PPP3CC: variants seen among roughly 807,000 people sequenced by gnomAD.
PPP3CC encodes the protein serine/threonine-protein phosphatase 2B catalytic subunit gamma isoform.
A neutral mutation model predicts 60.3 loss-of-function variants in PPP3CC; 35 were observed. That is an observed-to-expected ratio of 0.58 (90% CI 0.44 to 0.77). PPP3CC has a LOEUF of 0.77. Ranked by LOEUF, PPP3CC falls within the 30% of genes least tolerant of loss-of-function variation. PPP3CC has a pLI of 0.00. For synonymous variants in PPP3CC, 206 were observed against 224.3 expected, an observed-to-expected ratio of 0.92 and a Z score of 0.73; for missense variants, 570 against 628.9, an observed-to-expected ratio of 0.91 and a Z score of 1.00.
intron 3 of PPP3CC, 156 bp downstream of exon 3, chr8:22,475,780 G>A: frequency 1.4e-6 from 1 of 728,778 alleles, no homozygotes; most frequent in Non-Finnish European, 2.1e-6. Flanking sequence ...TTAATTGATA[G>A]AACAGTTATT....
Position 22,540,938 on chromosome 8 carries a change from G to T in PPP3CC, c.*136G>T. ...TTATAATTCAGTCTGCATTTATTCTGTAAAAAGGTGGCTGTTTTATAAATT... is the reference window on the plus strand; with the variant it reads ...TTATAATTCAGTCTGCATTTATTCTTTAAAAAGGTGGCTGTTTTATAAATT... On this transcript the variant is annotated 3_prime_UTR_variant, in exon 14 of 14. Coordinates refer to ENST00000240139, the MANE Select transcript of PPP3CC (RefSeq NM_005605.5). 1.3e-6 allele frequency: 1 copy of T among 754,042 alleles called. No individual in the cohort carries two copies. Among genetic ancestry groups the T allele is most frequent in the Non-Finnish European group, 1.9e-6 (1 of 524,036 alleles). 46.7% of individuals were successfully genotyped at this position (754,042 alleles called of 1,614,324 possible).
intron 1 of PPP3CC, among the ~76,000 whole-genome samples, chr8:22,473,419 G>A (rs918356385): frequency 6.6e-6 from 1 of 150,978 alleles, no homozygotes; most frequent in Non-Finnish European, 1.5e-5. Context: ...ACTGAAGGTA[G>A]TTATTAGCAT....
intron 1 of PPP3CC, among the ~76,000 whole-genome samples, chr8:22,456,584 C>G (rs919231062): frequency 2.0e-5 from 3 of 152,100 alleles, no homozygotes; most frequent in African/African-American, 7.2e-5. Context: ...TGGTACAGTC[C>G]ATAGAGCTTG....
At chr8:22,531,429 C>G (rs760913156) in intron 10 of PPP3CC, 2 of 1,190,952 alleles carry the variant, frequency 1.7e-6, no homozygotes, top group Non-Finnish European at 2.4e-6. Flanking sequence ...TTCAGAAAGG[C>G]TCTCCATCCG....
chr8:22,464,870 C>T (rs367805559), intron 1 of PPP3CC, among the ~76,000 whole-genome samples: 49 of 152,096 alleles, frequency 3.2e-4, no homozygotes, highest in African/African-American at 1.2e-3. Context: ...ATGAGTATGC[C>T]AAGAGACCGA....
At chr8:22,468,640 T>G (rs891236861) in intron 1 of PPP3CC, among the ~76,000 whole-genome samples, 1 of 152,176 alleles carries the variant, frequency 6.6e-6, no homozygotes, top group African/African-American at 2.4e-5. Context: ...TTTGTAATGT[T>G]TTGCTTGTAA....
At chr8:22,533,793 C>G (rs979123109) in intron 12 of PPP3CC, among the ~76,000 whole-genome samples, 2 of 152,140 alleles carry the variant, frequency 1.3e-5, no homozygotes, top group African/African-American at 2.4e-5. Flanking sequence ...CCACTGCACT[C>G]CAGCCTGGGC....
chr8:22,443,838 C>T (rs181255671), intron 1 of PPP3CC, among the ~76,000 whole-genome samples: 13 of 152,210 alleles, frequency 8.5e-5, no homozygotes, highest in South Asian at 8.3e-4. Flanking sequence ...TGAGGTGTCA[C>T]GTGTGCATAG....
chr8:22,527,587 C>G, intron 9 of PPP3CC, 70 bp downstream of exon 9: 1 of 1,509,314 alleles, frequency 6.6e-7, no homozygotes. Flanking sequence ...TGCATGAGCC[C>G]CTCCATGATT....
chr8:22,496,086 TTA>T (rs746612113), intron 3 of PPP3CC, among the ~76,000 whole-genome samples: 22 of 152,234 alleles, frequency 1.4e-4, no homozygotes, highest in Non-Finnish European at 2.5e-4. Flanking sequence ...GGATCTAACT[TTA>T]TGTTTTTTTT....
At chr8:22,519,093 T>C (rs992419197) in intron 6 of PPP3CC, among the ~76,000 whole-genome samples, 5 of 152,238 alleles carry the variant, frequency 3.3e-5, no homozygotes, top group Non-Finnish European at 1.5e-5. Flanking sequence ...AATTGTTACA[T>C]CTTTCTGTTG....
At chr8:22,476,966 C>T (rs999991190) in intron 3 of PPP3CC, among the ~76,000 whole-genome samples, 1 of 151,624 alleles carries the variant, frequency 6.6e-6, no homozygotes, top group African/African-American at 2.4e-5. Context: ...TGTTAGTTGC[C>T]AGTGCACAAA....
intron 10 of PPP3CC, among the ~76,000 whole-genome samples, chr8:22,530,508 AAAATAAAT>A (rs754526584): frequency 2.9e-3 from 351 of 122,350 alleles, no homozygotes; most frequent in Non-Finnish European, 4.7e-3. Context: ...CACAAACATA[AAAATAAAT>A]AAATAAATAA....
At chr8:22,487,833 T>A (rs544423311) in intron 3 of PPP3CC, among the ~76,000 whole-genome samples, 1 of 152,204 alleles carries the variant, frequency 6.6e-6, no homozygotes, top group East Asian at 1.9e-4. Flanking sequence ...AGATGACCAA[T>A]TGATGAACAG....
At chr8:22,447,346 A>AT (rs956715235) in intron 1 of PPP3CC, among the ~76,000 whole-genome samples, 8 of 150,050 alleles carry the variant, frequency 5.3e-5, no homozygotes, top group Non-Finnish European at 4.5e-5. Context: ...TGCCCGGCTA[A>AT]TTTTTTTTTG....
At chr8:22,483,664 C>G (rs1838139154) in intron 3 of PPP3CC, among the ~76,000 whole-genome samples, 1 of 152,274 alleles carries the variant, frequency 6.6e-6, no homozygotes, top group Middle Eastern at 3.4e-3. Flanking sequence ...TTCACAAACC[C>G]TATTACAATT....
chr8:22,517,197 C>T (rs1839269552), intron 6 of PPP3CC, among the ~76,000 whole-genome samples: 1 of 152,236 alleles, frequency 6.6e-6, no homozygotes, highest in South Asian at 2.1e-4. Flanking sequence ...ACTCTGCCTT[C>T]TTTTATCCCA....
Position 22,475,577 on chromosome 8 carries a change from T to C in PPP3CC, c.325T>C (p.Tyr109His), listed in dbSNP as rs781199265. 3 of 1,613,312 alleles carry C rather than the reference T, an allele frequency of 1.9e-6. No homozygotes were observed. The Admixed American group carries it at 5.0e-5, about 27-fold the overall frequency. ...EVGGSPSNTR[Y>H]LFLGDYVDRG... Reference sequence around the variant, plus strand: ...TGGAGGATCACCTAGTAACACACGCTACCTCTTTCTGGGTGACTATGTGGA... The same window carrying C: ...TGGAGGATCACCTAGTAACACACGCCACCTCTTTCTGGGTGACTATGTGGA... Residue 109 changes from tyrosine to histidine, a missense_variant, in exon 3 of 14, where the codon TAC (tyrosine) becomes CAC (histidine). By Grantham distance (83) the Tyr-to-His change is moderately conservative. Transcript: ENST00000240139.
Position 22,505,853 on chromosome 8 carries a change from G to T in PPP3CC, c.485-5233G>T, listed in dbSNP as rs550343128. ...AATTCAGTCTCAACTATTAATCCTT[G>T]GTGATAACAATGTTATTTTCCTTCT... On this transcript the variant is annotated intron_variant, in intron 4 of 13. Coordinates refer to ENST00000240139, the MANE Select transcript of PPP3CC (RefSeq NM_005605.5). Among the ~76,000 whole-genome samples, 4 of 151,634 alleles carry T rather than the reference G, an allele frequency of 2.6e-5. 1 individual carries two copies. Among genetic ancestry groups the T allele is most frequent in the African/African-American group, 9.7e-5 (4 of 41,354 alleles).
Sources: gnomAD v4.1 joint callset for allele counts (sites outside exome capture counted in the v4.1 genomes callset) on GRCh38, gnomAD v4.1.1 for gene constraint, MANE v1.5 for transcripts, NCBI Gene and HGNC (gene_info 2026-07-23, HGNC 2026-07-21) for gene names.